Variants in ATP8A2 observed in about 807,000 individuals in gnomAD.
The protein encoded by ATP8A2 is ATPase phospholipid transporting 8A2, also known as phospholipid-transporting ATPase IB.
Under a neutral mutation model 165.6 loss-of-function variants are expected in ATP8A2, and 100 were observed. The ratio of observed to expected loss-of-function variants is 0.60; its 90% confidence interval spans 0.51 to 0.71. The LOEUF (loss-of-function observed/expected upper bound fraction) is 0.71. Ranked by LOEUF, ATP8A2 falls within the 30% of genes least tolerant of loss-of-function variation. The pLI is 0.00. For synonymous variants in ATP8A2, 543 were observed against 548.8 expected, an observed-to-expected ratio of 0.99 and a Z score of 0.15; for missense variants, 1,227 against 1,479.5, an observed-to-expected ratio of 0.83 and a Z score of 2.80.
intron 24 of ATP8A2, among the ~76,000 whole-genome samples, chr13:25,670,924 C>T (rs1374459503): frequency 6.6e-6 from 1 of 152,150 alleles, no homozygotes; most frequent in Non-Finnish European, 1.5e-5. Flanking sequence ...AGTTTGTTTA[C>T]TTCCTTTCTT....
At chr13:25,926,645 A>G (rs191505732) in intron 33 of ATP8A2, among the ~76,000 whole-genome samples, 7 of 152,316 alleles carry the variant, frequency 4.6e-5, no homozygotes, top group African/African-American at 1.4e-4. Flanking sequence ...TCCCCAAAAT[A>G]AGCTTAAAAT....
intron 35 of ATP8A2, among the ~76,000 whole-genome samples, chr13:25,975,581 CG>C (rs1255829070): frequency 8.0e-6 from 1 of 125,334 alleles, no homozygotes; most frequent in African/African-American, 2.8e-5. Context: ...GACTCCATCT[CG>C]AAAAAAAAAA....
chr13:25,550,717 C>T (rs2038793944), intron 10 of ATP8A2, among the ~76,000 whole-genome samples: 1 of 152,208 alleles, frequency 6.6e-6, no homozygotes, highest in South Asian at 2.1e-4. Flanking sequence ...TGTCCAGGCC[C>T]TTCCTGACTC....
intron 27 of ATP8A2, among the ~76,000 whole-genome samples, chr13:25,788,623 G>A (rs2045090668): frequency 6.6e-6 from 1 of 152,112 alleles, no homozygotes; most frequent in Non-Finnish European, 1.5e-5. Flanking sequence ...TGGGGAAGGG[G>A]CTAAGTCTTC....
At chr13:25,856,389 G>C (rs1952167276) in intron 30 of ATP8A2, among the ~76,000 whole-genome samples, 1 of 152,166 alleles carries the variant, frequency 6.6e-6, no homozygotes. Flanking sequence ...AGACTCAGAA[G>C]GGTGAGAGGG....
intron 1 of ATP8A2, among the ~76,000 whole-genome samples, chr13:25,444,191 G>T (rs568183920): frequency 1.3e-5 from 2 of 152,172 alleles, no homozygotes; most frequent in African/African-American, 2.4e-5. Context: ...TGTACAGTAT[G>T]CACTTTTTTG....
intron 24 of ATP8A2, among the ~76,000 whole-genome samples, chr13:25,666,709 A>G (rs1435510277): frequency 2.0e-5 from 3 of 152,182 alleles, no homozygotes; most frequent in Non-Finnish European, 2.9e-5. Flanking sequence ...TGACAACACC[A>G]AAAGGCATTA....
At position 26,020,033 on chromosome 13, in the gene ATP8A2, C is replaced by T. The variant is rs754084007; in HGVS notation, c.*48C>T. On this transcript the variant is annotated 3_prime_UTR_variant, in exon 37 of 37. Coordinates refer to ENST00000381655, the MANE Select transcript of ATP8A2 (RefSeq NM_016529.6). Reference sequence around the variant, plus strand: ...CTTAGGAAAGAGATTCAGTTTGTTGCACCCAGTGTTAACACATCTTTGTCA... The same window carrying T: ...CTTAGGAAAGAGATTCAGTTTGTTGTACCCAGTGTTAACACATCTTTGTCA... The T allele has an allele frequency of 4.4e-6, 6 of 1,352,848 alleles. No individual in the cohort carries two copies. Among genetic ancestry groups the T allele is most frequent in the South Asian group, 3.5e-5 (3 of 84,858 alleles). The allele number at this position is 1,352,848 out of a possible 1,614,324, so 83.8% of individuals were successfully genotyped here.
chr13:25,646,348 G>A (rs935131204), intron 24 of ATP8A2, among the ~76,000 whole-genome samples: 1 of 151,810 alleles, frequency 6.6e-6, no homozygotes, highest in Admixed American at 6.6e-5. Context: ...ATATAGTTTA[G>A]CCTTTAAAAA....
intron 1 of ATP8A2, among the ~76,000 whole-genome samples, chr13:25,451,472 G>A (rs558998116): frequency 2.0e-5 from 3 of 152,124 alleles, no homozygotes; most frequent in Admixed American, 6.5e-5. Flanking sequence ...CCCTTTTCCT[G>A]TTGTCTAGTT....
At chr13:25,944,661 G>A (rs1296977410) in intron 33 of ATP8A2, 2 of 152,148 alleles carry the variant, frequency 1.3e-5, no homozygotes, top group Admixed American at 1.3e-4. Context: ...ACAAGCCCAG[G>A]TCAGAAACAG....
At chr13:25,701,616 T>G (rs138346698) in intron 25 of ATP8A2, among the ~76,000 whole-genome samples, 1 of 152,168 alleles carries the variant, frequency 6.6e-6, no homozygotes, top group East Asian at 1.9e-4. Context: ...TTATAAGTTT[T>G]TAAGAGGGAA....
intron 1 of ATP8A2, among the ~76,000 whole-genome samples, chr13:25,403,299 T>C (rs910738089): frequency 2.0e-5 from 3 of 152,074 alleles, no homozygotes; most frequent in Admixed American, 6.5e-5. Flanking sequence ...GAGACCTAGG[T>C]TTCTATTTAT....
At position 25,937,362 on chromosome 13, in the gene ATP8A2, C is replaced by CTTTCTTTTTTTTTTTT; in HGVS notation, c.3184-24210_3184-24209insCTTTTTTTTTTTTTTT. On this transcript the variant is annotated intron_variant, in intron 33 of 36. Coordinates refer to ENST00000381655, the MANE Select transcript of ATP8A2 (RefSeq NM_016529.6). ...TGCTTTGTCTTTCTATTCTTTCTTT[C>CTTTCTTTTTTTTTTTT]TTTTTTTTTTTTTTTTTGAACAGCC... 4.9e-3 allele frequency among the ~76,000 whole-genome samples: 189 copies of CTTTCTTTTTTTTTTTT among 38,768 alleles called. 34 individuals carry two copies. The highest frequency in any genetic ancestry group is 0.026 in the East Asian group (12 of 462). The allele number at this position is 38,768 out of a possible 152,430, so 25.4% of individuals were successfully genotyped here. A position where few individuals can be genotyped will look rare whatever the true frequency, so the allele number is the denominator to read the frequency against.
At chr13:25,559,669 C>G (rs1835360685) in intron 14 of ATP8A2, 52 bp from the exon 15 acceptor site, 5 of 1,375,336 alleles carry the variant, frequency 3.6e-6, no homozygotes, top group Non-Finnish European at 5.2e-6. Context: ...ATCAGAATGT[C>G]TGTCTTTTGA....
Position 25,450,448 on chromosome 13 carries a change from A to G in ATP8A2, c.77-18529A>G, listed in dbSNP as rs7332295. On this transcript the variant is annotated intron_variant, in intron 1 of 36. Transcript: ENST00000381655. ...TAATTTACACTTCAACCAGAAGTGT[A>G]TAAGTGTTCCTTTTTCTCCACAACT... Among the ~76,000 whole-genome samples, 1,504 of 152,334 alleles carry G rather than the reference A, an allele frequency of 9.9e-3. 31 individuals are homozygous for G. Among genetic ancestry groups the G allele is most frequent in the African/African-American group, 0.034 (1,398 of 41,580 alleles).
At chr13:25,878,021 T>C (rs184018591) in intron 33 of ATP8A2, among the ~76,000 whole-genome samples, 1 of 152,276 alleles carries the variant, frequency 6.6e-6, no homozygotes, top group Non-Finnish European at 1.5e-5. Context: ...GTAAACAAAA[T>C]GTTATCAGTT....
intron 25 of ATP8A2, among the ~76,000 whole-genome samples, chr13:25,756,444 C>G (rs1331232445): frequency 2.0e-5 from 3 of 151,734 alleles, no homozygotes; most frequent in Non-Finnish European, 4.4e-5. Context: ...GCTGTGGTAC[C>G]TGTGTTCTGT....
intron 1 of ATP8A2, among the ~76,000 whole-genome samples, chr13:25,386,975 C>A (rs184179369): frequency 3.1e-5 from 3 of 97,546 alleles, no homozygotes; most frequent in Non-Finnish European, 8.3e-5. Context: ...CCAGCCTGGG[C>A]GTCAGAGCGA....
Sources: allele counts gnomAD v4.1 joint callset (sites outside exome capture counted in the v4.1 genomes callset), GRCh38; gene constraint gnomAD v4.1.1; transcripts MANE v1.5; gene names NCBI Gene and HGNC (gene_info 2026-07-23, HGNC 2026-07-21).